Variants in PHIP observed in about 807,000 individuals in gnomAD.
PHIP encodes PH-interacting protein.
A neutral mutation model predicts 236.8 loss-of-function variants in PHIP; 54 were observed. The ratio of observed to expected loss-of-function variants is 0.23; its 90% CI spans 0.18 to 0.29. The LOEUF (loss-of-function observed/expected upper bound fraction) is 0.29, where lower values mean the gene tolerates loss of function less well. Among genes scored for constraint, PHIP ranks in the 10% least tolerant of loss-of-function variants. PHIP has a pLI of 1.00. For missense variants in PHIP, 1,370 were observed against 2,190.8 expected (o/e 0.63, Z 7.48); for synonymous variants, 756 against 718.9 (o/e 1.05, Z -0.83).
intron 29 of PHIP, among the ~76,000 whole-genome samples, 185 bp from the exon 30 acceptor site, chr6:78,963,437 T>A (rs1388625441): frequency 6.6e-6 from 1 of 152,196 alleles, no homozygotes; most frequent in East Asian, 1.9e-4. Context: ...AATTTTTAAA[T>A]GATACTATAA....
chr6:78,968,576 C>T (rs1767307733), intron 27 of PHIP, among the ~76,000 whole-genome samples: 1 of 152,186 alleles, frequency 6.6e-6, no homozygotes, highest in South Asian at 2.1e-4. Context: ...CCTGTGGATA[C>T]TAAGGGACAA....
rs372130247 is a variant in PHIP, at chr6:78,937,542, G to A, written c.*3151C>T. On this transcript the variant is annotated 3_prime_UTR_variant, in exon 40 of 40. Transcript: ENST00000275034. ...GATAACTAAATTTAGTCAATCCCAA[G>A]TCTCAGATGTTACCTAATCCAGCTC... 1 of 151,644 alleles carries A rather than the reference G, an allele frequency of 6.6e-6. No individual in the cohort carries two copies. The highest frequency in any genetic ancestry group is 1.5e-5 in the Non-Finnish European group (1 of 67,638). 9.4% of individuals were successfully genotyped at this position (151,644 alleles called of 1,614,324 possible).
chr6:79,068,569 C>T (rs1415435995), intron 4 of PHIP, among the ~76,000 whole-genome samples: 2 of 152,160 alleles, frequency 1.3e-5, no homozygotes, highest in Non-Finnish European at 2.9e-5. Context: ...TCTTTCTAAG[C>T]CTCAGTGTCC....
At chr6:78,943,527 AT>A (rs1219261041) in intron 39 of PHIP, among the ~76,000 whole-genome samples, 1 of 152,234 alleles carries the variant, frequency 6.6e-6, no homozygotes, top group Non-Finnish European at 1.5e-5. Context: ...TATGCAAAGC[AT>A]TTTGGTTATT....
intron 35 of PHIP, among the ~76,000 whole-genome samples, chr6:78,953,368 A>T (rs1766186379): frequency 1.3e-5 from 2 of 152,216 alleles, no homozygotes; most frequent in Admixed American, 6.5e-5. Flanking sequence ...GAATAAAAAC[A>T]TTGTCTTATT....
chr6:79,012,027 T>C (rs1176772665), intron 15 of PHIP, among the ~76,000 whole-genome samples: 1 of 151,638 alleles, frequency 6.6e-6, no homozygotes, highest in Non-Finnish European at 1.5e-5. Flanking sequence ...AAAGTTCACC[T>C]TTTCACTTGA....
intron 6 of PHIP, among the ~76,000 whole-genome samples, chr6:79,050,138 T>G (rs1234293010): frequency 6.6e-6 from 1 of 151,598 alleles, no homozygotes; most frequent in Non-Finnish European, 1.5e-5. Flanking sequence ...AAAAAAAAAG[T>G]CTTATCTGCT....
intron 14 of PHIP, 79 bp from the exon 15 acceptor site, chr6:79,015,295 G>T: frequency 1.8e-6 from 2 of 1,128,788 alleles, no homozygotes; most frequent in Non-Finnish European, 2.6e-6. Context: ...TACCAATATG[G>T]CACTATTTCT....
At chr6:78,972,039 G>A (rs538090505) in intron 24 of PHIP, among the ~76,000 whole-genome samples, 4 of 152,182 alleles carry the variant, frequency 2.6e-5, no homozygotes, top group African/African-American at 9.6e-5. Flanking sequence ...GCTCAAGGAG[G>A]CCTGCCTGCC....
chr6:79,004,282 G>A (rs765196081), intron 15 of PHIP: 86 of 426,242 alleles, frequency 2.0e-4, no homozygotes, highest in Non-Finnish European at 2.5e-4. Context: ...AATGACACTA[G>A]ATTTTATTAT....
intron 6 of PHIP, among the ~76,000 whole-genome samples, chr6:79,054,578 AC>A (rs1278631560): frequency 6.6e-6 from 1 of 151,484 alleles, no homozygotes; most frequent in East Asian, 1.9e-4. Flanking sequence ...CAGGAAAAAA[AC>A]CCCATATATT....
rs552853001 is a variant in PHIP at position 78,951,124 on chromosome 6, G to A, written c.4054-3349C>T. On this transcript the variant is annotated intron_variant, in intron 35 of 39. Coordinates refer to ENST00000275034, the MANE Select transcript of PHIP (RefSeq NM_017934.7). ...AGATTATTTAGAGGTGGGCTCTTTC[G>A]TTAACAAGTCCTTGGAGATTTTACA... 7.2e-5 allele frequency among the ~76,000 whole-genome samples: 11 copies of A among 152,152 alleles called. No individual in the cohort carries two copies. In the East Asian group the frequency reaches 1.3e-3, roughly 19 times the overall value.
chr6:79,015,313 G>C, intron 14 of PHIP, 97 bp from the exon 15 acceptor site: 1 of 1,019,372 alleles, frequency 9.8e-7, no homozygotes, highest in Non-Finnish European at 1.5e-6. Flanking sequence ...TCTAGAAATG[G>C]AGTTTTAAGA....
chr6:79,020,162 CT>C (rs542749965), intron 9 of PHIP, among the ~76,000 whole-genome samples: 19 of 150,922 alleles, frequency 1.3e-4, no homozygotes, highest in Admixed American at 6.6e-4. Context: ...GCGGTTTTGC[CT>C]TTTTTTTAAA....
At chr6:78,943,604 T>C (rs749255115) in intron 39 of PHIP, among the ~76,000 whole-genome samples, 1 of 152,212 alleles carries the variant, frequency 6.6e-6, no homozygotes, top group Non-Finnish European at 1.5e-5. Context: ...CTCAGATTCT[T>C]TGGAGATACA....
intron 32 of PHIP, 26 bp from the exon 33 acceptor site, chr6:78,955,708 G>A (rs756186742): frequency 1.3e-6 from 1 of 752,432 alleles, no homozygotes; most frequent in South Asian, 1.8e-5. Flanking sequence ...ATGTTAACAT[G>A]TAAGATTAGA....
rs967923116 is a variant in PHIP, at chr6:78,977,256, C to T, written c.2889+1336G>A. Reference sequence around the variant, plus strand: ...ATGGATGAAATTGGAAACCATCATTCTCAGTAAACTATTGCAAGAACAAAA... The same window carrying T: ...ATGGATGAAATTGGAAACCATCATTTTCAGTAAACTATTGCAAGAACAAAA... On this transcript the variant is annotated intron_variant, in intron 24 of 39. Coordinates refer to ENST00000275034, the MANE Select transcript of PHIP (RefSeq NM_017934.7). 3.3e-5 allele frequency among the ~76,000 whole-genome samples: 5 copies of T among 151,208 alleles called. No homozygotes were observed. In the South Asian group the frequency reaches 1.1e-3, roughly 32 times the overall value.
At chr6:79,004,939 C>A (rs1407392936) in intron 15 of PHIP, among the ~76,000 whole-genome samples, 1 of 151,948 alleles carries the variant, frequency 6.6e-6, no homozygotes, top group Non-Finnish European at 1.5e-5. Flanking sequence ...GAAAATATTT[C>A]TATAAAAGAA....
chr6:79,031,006 C>T (rs1043749141), intron 7 of PHIP, among the ~76,000 whole-genome samples: 9 of 151,846 alleles, frequency 5.9e-5, no homozygotes, highest in South Asian at 2.1e-4. Flanking sequence ...TATTGTAGTG[C>T]GATCTCGGCT....
Sources: gnomAD v4.1 joint callset for allele counts (sites outside exome capture counted in the v4.1 genomes callset) on GRCh38, gnomAD v4.1.1 for gene constraint, MANE v1.5 for transcripts, NCBI Gene and HGNC (gene_info 2026-07-23, HGNC 2026-07-21) for gene names.